Variants in METTL4 observed in about 807,000 individuals in gnomAD.
METTL4 encodes N(6)-adenine-specific methyltransferase METTL4.
METTL4 carries 40 observed loss-of-function variants against 54.0 expected under a neutral mutation model. The observed-to-expected ratio is 0.74, with a 90% CI of 0.58 to 0.96. The LOEUF (loss-of-function observed/expected upper bound fraction) is 0.96, where lower values mean the gene tolerates loss of function less well. Among genes scored for constraint, METTL4 ranks in the 50% least tolerant of loss-of-function variants. The probability of loss-of-function intolerance (pLI) is 0.00; values close to 1 mark genes in which losing one functional copy is unlikely to be tolerated. For missense variants in METTL4, 525 were observed against 549.0 expected, an observed-to-expected ratio of 0.96 and a Z score of 0.44; for synonymous variants, 169 against 183.8, an observed-to-expected ratio of 0.92 and a Z score of 0.65.
In METTL4 at chr18:2,563,871, A is replaced by T; in HGVS notation, c.397-12T>A. 1 of 1,600,792 alleles carries T rather than the reference A, an allele frequency of 6.2e-7. No individual in the cohort carries two copies. Among genetic ancestry groups the T allele is most frequent in the Non-Finnish European group, 8.5e-7 (1 of 1,172,830 alleles). On this transcript the variant is annotated splice_polypyrimidine_tract_variant and intron_variant, in intron 2 of 8. Transcript: ENST00000574538. ...CATCTTTTACGCTTCTAAAGGGTAG[A>T]TCAATTACAGGGGAAAAGTTATGTT...
intron 5 of METTL4, among the ~76,000 whole-genome samples, chr18:2,550,386 A>G (rs2072136282): frequency 6.6e-6 from 1 of 152,182 alleles, no homozygotes; most frequent in Non-Finnish European, 1.5e-5. Flanking sequence ...GAAAAACTAG[A>G]CCCCTCATTG....
At chr18:2,559,295 A>C (rs1336089799) in intron 3 of METTL4, among the ~76,000 whole-genome samples, 1 of 152,252 alleles carries the variant, frequency 6.6e-6, no homozygotes, top group Admixed American at 6.5e-5. Flanking sequence ...AAGGAAAGAA[A>C]TTCTGATATA....
At chr18:2,551,054 C>T (rs1406421680) in intron 5 of METTL4, among the ~76,000 whole-genome samples, 1 of 150,148 alleles carries the variant, frequency 6.7e-6, no homozygotes, top group Non-Finnish European at 1.5e-5. Flanking sequence ...GTCCCAGCTA[C>T]TCGGGAGGCT....
intron 6 of METTL4, among the ~76,000 whole-genome samples, chr18:2,545,870 G>A (rs1474251087): frequency 6.6e-6 from 1 of 151,984 alleles, no homozygotes; most frequent in Non-Finnish European, 1.5e-5. Context: ...CATAATAGAT[G>A]ATATTTATGT....
intron 2 of METTL4, among the ~76,000 whole-genome samples, chr18:2,564,246 A>C (rs1463141786): frequency 1.8e-5 from 2 of 109,026 alleles, no homozygotes; most frequent in Non-Finnish European, 4.2e-5. Flanking sequence ...TACTAAAAAT[A>C]CAAAAAAAAA....
At chr18:2,549,825 A>AAAAAAAAAC in intron 5 of METTL4, among the ~76,000 whole-genome samples, 1 of 126,442 alleles carries the variant, frequency 7.9e-6, no homozygotes, top group African/African-American at 3.7e-5. Context: ...CTACTAAAAA[A>AAAAAAAAAC]AAAAAAAAAA....
At chr18:2,569,864 A>G (rs2072476496) in intron 1 of METTL4, among the ~76,000 whole-genome samples, 1 of 152,206 alleles carries the variant, frequency 6.6e-6, no homozygotes, top group Non-Finnish European at 1.5e-5. Context: ...CCATAAGGTA[A>G]GGTTGGAAGA....
intron 5 of METTL4, among the ~76,000 whole-genome samples, chr18:2,548,202 T>G (rs1245787823): frequency 1.3e-5 from 2 of 152,148 alleles, no homozygotes; most frequent in Non-Finnish European, 2.9e-5. Context: ...ATCTTGTACC[T>G]CCTGGCCATA....
chr18:2,563,976 T>C, intron 2 of METTL4, 117 bp from the exon 3 acceptor site: 2 of 613,866 alleles, frequency 3.3e-6, no homozygotes, highest in South Asian at 2.6e-5. Context: ...TTAATAGTAG[T>C]AATTGTCTAC....
Position 2,547,406 on chromosome 18 carries a change from T to C in METTL4, c.1023A>G (p.Glu341=). 6.2e-7 allele frequency: 1 copy of C among 1,611,262 alleles called. No homozygotes were observed. The highest frequency in any genetic ancestry group is 8.5e-7 in the Non-Finnish European group (1 of 1,178,772). Reference sequence around the variant, plus strand: ...CCTCCACAGACCAAGAGGGATAAAGTTCTTCCTTTATAAAACGTAGGTGCT... The same window carrying C: ...CCTCCACAGACCAAGAGGGATAAAGCTCTTCCTTTATAAAACGTAGGTGCT... ...RQKHLRFIKE[E]LYPSWSVEVV... is the part of the protein sequence containing the mutation. Residue 341 remains glutamate, a synonymous_variant, in exon 6 of 9, where the codon GAA becomes GAG. Transcript: ENST00000574538.
At position 2,544,438 on chromosome 18, in the gene METTL4, A is replaced by G. The variant is rs2072040130; in HGVS notation, c.1182-152T>C. On this transcript the variant is annotated intron_variant, in intron 7 of 8. Transcript: ENST00000574538. ...AGAAATTAACAATTTAAGTATTGAG[A>G]CATTCCTATAATTTCATTTTCTATA... is the stretch of plus-strand genomic sequence containing the variant. The G allele has an allele frequency of 1.5e-5, 10 of 658,340 alleles. No individual in the cohort carries two copies. The South Asian group carries it at 2.2e-4, about 15-fold the overall frequency. The allele number at this position is 658,340 out of a possible 1,614,324, so 40.8% of individuals were successfully genotyped here. A position where few individuals can be genotyped will look rare whatever the true frequency, so the allele number is the denominator to read the frequency against.
chr18:2,554,345 T>C (rs1238131731), intron 4 of METTL4: 1 of 216,318 alleles, frequency 4.6e-6, no homozygotes, highest in African/African-American at 2.5e-5. Context: ...ATAACTGAAG[T>C]GTTTCTACTT....
chr18:2,563,686 G>C (rs2072357591), intron 3 of METTL4, 111 bp downstream of exon 3: 1 of 591,952 alleles, frequency 1.7e-6, no homozygotes, highest in Non-Finnish European at 2.9e-6. Context: ...TGCTAAGCCT[G>C]ATCAAAATGA....
rs140041871 is a variant in METTL4 at position 2,544,215 on chromosome 18, G to A, written c.1253C>T (p.Ser418Leu). Residue 418 changes from serine (S) to leucine (L), a missense_variant, in exon 8 of 9, where the codon TCA becomes TTA. By Grantham distance (145) the Ser-to-Leu change is moderately radical. Transcript: ENST00000574538. ...LIVSVPCTLH[S>L]HKPPLAEVLK... ...CATACCAGCAAGCGGTGGCTTATGTGAGTGAAGAGTACAGGGCACGCTGAC... is the reference window on the plus strand; with the variant it reads ...CATACCAGCAAGCGGTGGCTTATGTAAGTGAAGAGTACAGGGCACGCTGAC... The A allele has an allele frequency of 1.1e-4, 173 of 1,609,752 alleles. No individual in the cohort carries two copies. Among genetic ancestry groups the A allele is most frequent in the Non-Finnish European group, 1.5e-4 (172 of 1,178,580 alleles).
intron 1 of METTL4, among the ~76,000 whole-genome samples, chr18:2,567,978 A>G (rs951440359): frequency 2.0e-5 from 3 of 152,224 alleles, no homozygotes; most frequent in African/African-American, 7.2e-5. Context: ...TCTGAGCAGT[A>G]CCCCTTGGAT....
chr18:2,567,232 A>C lies in METTL4; in HGVS notation c.-16T>G, dbSNP rs1408183317. The C allele has an allele frequency of 1.3e-6, 2 of 1,548,126 alleles. No individual in the cohort carries two copies. The highest frequency in any genetic ancestry group is 2.1e-5 in the Admixed American group (1 of 47,492). ...CCACAGACATTCCCTTCCTTTAAAA[A>C]AGCCTCTGGGAATTAGGAACTAGAA... On this transcript the variant is annotated 5_prime_UTR_variant, in exon 2 of 9. Transcript: ENST00000574538.
chr18:2,539,356 C>T (rs1384506517), intron 8 of METTL4, among the ~76,000 whole-genome samples: 4 of 152,130 alleles, frequency 2.6e-5, no homozygotes, highest in Non-Finnish European at 5.9e-5. Context: ...ATCATCTGAA[C>T]TTCCATAGTC....
rs1410032684 is a variant in METTL4, at chr18:2,538,965, C to CCAT, written c.*34_*35insATG. 1 of 1,590,898 alleles carries CCAT rather than the reference C, an allele frequency of 6.3e-7. No homozygotes were observed. The highest frequency in any genetic ancestry group is 8.6e-7 in the Non-Finnish European group (1 of 1,167,332). On this transcript the variant is annotated 3_prime_UTR_variant, in exon 9 of 9. Transcript: ENST00000574538. ...AATTAAGGGAAAAGTGGTGAGGAAA[C>CCAT]AATGAAGAAACCACTACTTTAATCA...
intron 2 of METTL4, among the ~76,000 whole-genome samples, chr18:2,566,141 A>T (rs1465995688): frequency 6.6e-6 from 1 of 151,782 alleles, no homozygotes; most frequent in East Asian, 1.9e-4. Flanking sequence ...CTGATATCAG[A>T]TATCTAAAAT....
Sources: allele counts gnomAD v4.1 joint callset (sites outside exome capture counted in the v4.1 genomes callset), GRCh38; gene constraint gnomAD v4.1.1; transcripts MANE v1.5; gene names NCBI Gene and HGNC (gene_info 2026-07-23, HGNC 2026-07-21).